STAG1: variants seen among roughly 807,000 people sequenced by gnomAD.
STAG1 encodes cohesin subunit SA-1.
In STAG1, 26 loss-of-function variants were observed where a neutral mutation model predicts 170.9. The observed-to-expected ratio is 0.15, with a 90% confidence interval of 0.11 to 0.21. STAG1 has a LOEUF of 0.21. Ranked by LOEUF, STAG1 falls within the 10% of genes least tolerant of loss-of-function variation. The pLI, the probability that STAG1 is intolerant of heterozygous loss-of-function variation, is 1.00. For synonymous variants in STAG1, 514 were observed against 497.7 expected (o/e 1.03, Z -0.44); for missense variants, 964 against 1,509.5 (o/e 0.64, Z 5.99).
intron 12 of STAG1, among the ~76,000 whole-genome samples, chr3:136,471,916 C>T (rs1285008823): frequency 1.3e-5 from 2 of 152,156 alleles, no homozygotes; most frequent in Admixed American, 1.3e-4. Context: ...CGACTCACTG[C>T]AGCTTTGACC....
At chr3:136,693,634 T>C (rs527656322) in intron 1 of STAG1, among the ~76,000 whole-genome samples, 3 of 152,236 alleles carry the variant, frequency 2.0e-5, no homozygotes, top group African/African-American at 7.2e-5. Context: ...TGGAGGTACG[T>C]TCACCACTCA....
rs545815488 is a variant in STAG1 at position 136,521,506 on chromosome 3, T to G, written c.472-89A>C. 32 of 1,100,600 alleles carry G rather than the reference T, an allele frequency of 2.9e-5. No individual in the cohort carries two copies. In the African/African-American group the frequency reaches 4.4e-4, roughly 15 times the overall value. 68.2% of individuals were successfully genotyped at this position (1,100,600 alleles called of 1,614,324 possible). Reference sequence around the variant, plus strand: ...TTTCTTCCTACCTACATAGGAACCCTTTTTTGCAAAGCAGTTATAGAAAGA... The same window carrying G: ...TTTCTTCCTACCTACATAGGAACCCGTTTTTGCAAAGCAGTTATAGAAAGA... On this transcript the variant is annotated intron_variant, in intron 6 of 33. Coordinates refer to ENST00000383202, the MANE Select transcript of STAG1 (RefSeq NM_005862.3).
chr3:136,469,995 T>C (rs9714347), intron 12 of STAG1, among the ~76,000 whole-genome samples: 52,363 of 152,044 alleles, frequency 0.34, 11,336 homozygotes, highest in East Asian at 0.81. Context: ...CAAGATGGAT[T>C]AAAGACTTCA....
chr3:136,471,981 G>C (rs1291718065), intron 12 of STAG1, among the ~76,000 whole-genome samples: 1 of 152,106 alleles, frequency 6.6e-6, no homozygotes, highest in Non-Finnish European at 1.5e-5. Context: ...AGGACAACAG[G>C]CATGTGCCAC....
intron 12 of STAG1, among the ~76,000 whole-genome samples, chr3:136,469,665 T>C (rs1221382758): frequency 1.3e-5 from 2 of 151,944 alleles, no homozygotes; most frequent in Admixed American, 6.6e-5. Context: ...AAAAAAGAGC[T>C]TGCATTGCCA....
At chr3:136,471,714 C>G (rs1437144529) in intron 12 of STAG1, among the ~76,000 whole-genome samples, 1 of 152,098 alleles carries the variant, frequency 6.6e-6, no homozygotes, top group Non-Finnish European at 1.5e-5. Flanking sequence ...TTTGAAATCT[C>G]TATCATTAGT....
intron 1 of STAG1, among the ~76,000 whole-genome samples, chr3:136,674,001 G>A (rs1339896982): frequency 6.6e-6 from 1 of 151,326 alleles, no homozygotes; most frequent in Non-Finnish European, 1.5e-5. Context: ...TACCCAGGAG[G>A]CTGAGGTAGG....
intron 4 of STAG1, among the ~76,000 whole-genome samples, chr3:136,593,581 T>G (rs1241868228): frequency 6.6e-6 from 1 of 152,246 alleles, no homozygotes; most frequent in Admixed American, 6.5e-5. Context: ...GAATTTCAAT[T>G]ATTTCACAAT....
intron 1 of STAG1, among the ~76,000 whole-genome samples, chr3:136,657,087 GAGA>G (rs554201520): frequency 7.2e-4 from 108 of 150,512 alleles, no homozygotes; most frequent in Admixed American, 5.2e-3. Context: ...TAAGAACTAT[GAGA>G]AGAATTGCTT....
chr3:136,385,857 A>G (rs1388439086), intron 22 of STAG1, among the ~76,000 whole-genome samples: 2 of 151,968 alleles, frequency 1.3e-5, no homozygotes, highest in African/African-American at 4.8e-5. Context: ...GTGTGCTACC[A>G]CACCTGGGCT....
intron 3 of STAG1, among the ~76,000 whole-genome samples, chr3:136,610,561 C>G (rs1159197096): frequency 6.6e-6 from 1 of 152,066 alleles, no homozygotes; most frequent in Non-Finnish European, 1.5e-5. Context: ...TGTGAAGATA[C>G]TGGTACTTGA....
At chr3:136,436,724 A>T (rs2088472821) in intron 15 of STAG1, among the ~76,000 whole-genome samples, 1 of 152,202 alleles carries the variant, frequency 6.6e-6, no homozygotes, top group South Asian at 2.1e-4. Context: ...TAATTTACAA[A>T]GGTTTAAAAG....
At chr3:136,734,388 C>A (rs1317968603) in intron 1 of STAG1, among the ~76,000 whole-genome samples, 2 of 152,162 alleles carry the variant, frequency 1.3e-5, no homozygotes, top group Admixed American at 6.5e-5. Flanking sequence ...ACAGTAGTGT[C>A]TCAAACTACC....
rs150017119 is a variant in STAG1 at position 136,656,342 on chromosome 3, G to C, written c.-83-25361C>G. On this transcript the variant is annotated intron_variant, in intron 1 of 33. Transcript: ENST00000383202. The stretch of plus-strand genomic sequence containing the variant: ...GTTTGCAAGATGAAAAAGAGTCCTG[G>C]ATACATACAGCGGTGATGGCTGCAA... Among the ~76,000 whole-genome samples, 394 of 152,150 alleles carry C rather than the reference G, an allele frequency of 2.6e-3. 2 individuals carry two copies. The highest frequency in any genetic ancestry group is 9.2e-3 in the African/African-American group (384 of 41,520).
chr3:136,405,424 T>C (rs547365388), intron 21 of STAG1, among the ~76,000 whole-genome samples: 1 of 151,866 alleles, frequency 6.6e-6, no homozygotes, highest in East Asian at 1.9e-4. Flanking sequence ...ATATTTTTAG[T>C]AGAGACAGGG....
intron 1 of STAG1, among the ~76,000 whole-genome samples, chr3:136,681,248 A>C (rs1355849174): frequency 3.3e-5 from 5 of 152,202 alleles, no homozygotes; most frequent in Non-Finnish European, 5.9e-5. Flanking sequence ...CACTGAGGAG[A>C]ATATAATCAA....
chr3:136,704,077 G>C (rs1387411632), intron 1 of STAG1, among the ~76,000 whole-genome samples: 4 of 143,940 alleles, frequency 2.8e-5, no homozygotes, highest in Non-Finnish European at 6.0e-5. Flanking sequence ...TTGAGATGGA[G>C]TCTCACTCTG....
chr3:136,471,362 G>A (rs1456785571), intron 12 of STAG1, among the ~76,000 whole-genome samples: 6 of 151,960 alleles, frequency 3.9e-5, no homozygotes, highest in Admixed American at 3.9e-4. Context: ...AAGTTTTTGA[G>A]GCACTTGACA....
intron 25 of STAG1, among the ~76,000 whole-genome samples, chr3:136,364,502 G>A (rs373374783): frequency 6.6e-6 from 1 of 152,056 alleles, no homozygotes; most frequent in African/African-American, 2.4e-5. Flanking sequence ...CTTACTTCTG[G>A]GGGGTGGGCC....
Sources: allele counts gnomAD v4.1 joint callset (sites outside exome capture counted in the v4.1 genomes callset), GRCh38; gene constraint gnomAD v4.1.1; transcripts MANE v1.5; gene names NCBI Gene and HGNC (gene_info 2026-07-23, HGNC 2026-07-21).